EXOC6B: variants seen among roughly 807,000 people sequenced by gnomAD.
The protein encoded by EXOC6B is exocyst complex component 6B.
EXOC6B carries 54 observed loss-of-function variants against 113.5 expected under a neutral mutation model. The ratio of observed to expected loss-of-function variants is 0.48; its 90% confidence interval spans 0.38 to 0.60. The LOEUF is 0.60. EXOC6B is among the 20% of genes least tolerant of loss of function. EXOC6B has a pLI of 0.00. For synonymous variants in EXOC6B, 357 were observed against 339.0 expected, an observed-to-expected ratio of 1.05 and a Z score of -0.58; for missense variants, 797 against 977.5, an observed-to-expected ratio of 0.82 and a Z score of 2.46.
chr2:72,686,710 G>A (rs1015368507), intron 6 of EXOC6B, among the ~76,000 whole-genome samples: 5 of 152,090 alleles, frequency 3.3e-5, no homozygotes, highest in Non-Finnish European at 7.4e-5. Flanking sequence ...AGTATTATTG[G>A]TATGAGTCTT....
intron 20 of EXOC6B, among the ~76,000 whole-genome samples, chr2:72,249,483 CT>C (rs1300171546): frequency 1.3e-5 from 2 of 149,492 alleles, no homozygotes; most frequent in African/African-American, 5.0e-5. Flanking sequence ...GACCTTGTCT[CT>C]TTTTTAAAAA....
intron 6 of EXOC6B, among the ~76,000 whole-genome samples, chr2:72,602,683 TATATATTA>T (rs1372293367): frequency 6.6e-6 from 1 of 152,202 alleles, no homozygotes; most frequent in Non-Finnish European, 1.5e-5. Flanking sequence ...ATTCCTGTTG[TATATATTA>T]ATAGCATCAT....
chr2:72,189,866 T>C (rs1678715238), intron 20 of EXOC6B, among the ~76,000 whole-genome samples: 1 of 135,452 alleles, frequency 7.4e-6, no homozygotes, highest in African/African-American at 3.0e-5. Flanking sequence ...TCTTCTTTTT[T>C]TTTTTTTTTT....
chr2:72,439,661 A>T (rs2105326142), intron 18 of EXOC6B, among the ~76,000 whole-genome samples: 1 of 152,288 alleles, frequency 6.6e-6, no homozygotes, highest in Non-Finnish European at 1.5e-5. Flanking sequence ...TTTGGTTTCA[A>T]GGTACTCCTT....
intron 1 of EXOC6B, among the ~76,000 whole-genome samples, chr2:72,824,869 G>A (rs930226883): frequency 4.6e-5 from 7 of 152,288 alleles, no homozygotes; most frequent in Admixed American, 6.5e-5. Context: ...CAGTGGTTAA[G>A]TGTCTGGGTC....
At chr2:72,463,757 G>A (rs549364508) in intron 18 of EXOC6B, 1 of 152,300 alleles carries the variant, frequency 6.6e-6, no homozygotes, top group South Asian at 2.1e-4. Flanking sequence ...GTAGAAGAAT[G>A]CCTAAAAATG....
chr2:72,653,559 TAATAA>T (rs1256683720), intron 6 of EXOC6B, among the ~76,000 whole-genome samples: 1 of 143,168 alleles, frequency 7.0e-6, no homozygotes, highest in Non-Finnish European at 1.5e-5. Context: ...AGTATAATAA[TAATAA>T]AATAAAATAA....
intron 6 of EXOC6B, among the ~76,000 whole-genome samples, chr2:72,650,660 G>T (rs549515166): frequency 6.6e-6 from 1 of 151,186 alleles, no homozygotes. Flanking sequence ...AAGAAAAGAG[G>T]TAAAAGACAT....
At chr2:72,822,426 T>C (rs1284701445) in intron 1 of EXOC6B, among the ~76,000 whole-genome samples, 1 of 152,024 alleles carries the variant, frequency 6.6e-6, no homozygotes, top group Non-Finnish European at 1.5e-5. Flanking sequence ...AAAGAAGAGG[T>C]GGTATATCCT....
intron 6 of EXOC6B, among the ~76,000 whole-genome samples, chr2:72,641,140 G>C (rs941365501): frequency 1.3e-5 from 2 of 152,208 alleles, no homozygotes; most frequent in Non-Finnish European, 2.9e-5. Flanking sequence ...GCAGCTCCGA[G>C]CGTGATCAAC....
At chr2:72,664,673 A>G (rs1675265456) in intron 6 of EXOC6B, among the ~76,000 whole-genome samples, 1 of 152,220 alleles carries the variant, frequency 6.6e-6, no homozygotes, top group South Asian at 2.1e-4. Flanking sequence ...CTAAGCCAAG[A>G]GACAGCAGGA....
intron 20 of EXOC6B, among the ~76,000 whole-genome samples, chr2:72,266,733 T>A (rs1237947149): frequency 6.6e-6 from 1 of 152,170 alleles, no homozygotes; most frequent in Non-Finnish European, 1.5e-5. Flanking sequence ...GACTTGGTGA[T>A]GCGGGCTCTT....
At chr2:72,461,000 C>T (rs1697613808) in intron 18 of EXOC6B, among the ~76,000 whole-genome samples, 1 of 151,760 alleles carries the variant, frequency 6.6e-6, no homozygotes, top group Middle Eastern at 3.4e-3. Context: ...AAATGTGGCA[C>T]ATATACACCA....
intron 19 of EXOC6B, among the ~76,000 whole-genome samples, chr2:72,349,076 T>C (rs1303671748): frequency 1.3e-5 from 2 of 152,166 alleles, no homozygotes; most frequent in Non-Finnish European, 2.9e-5. Context: ...TTCTAGCCCT[T>C]GTAGAATTTA....
At chr2:72,464,906 T>A (rs941804732) in intron 18 of EXOC6B, 1 of 491,120 alleles carries the variant, frequency 2.0e-6, no homozygotes, top group African/African-American at 1.9e-5. Flanking sequence ...TTTGTACTAA[T>A]TACCTTGAAC....
Position 72,380,405 on chromosome 2 carries a change from C to T in EXOC6B, c.1981-535G>A, listed in dbSNP as rs143150151. On this transcript the variant is annotated intron_variant, in intron 18 of 21. Coordinates refer to ENST00000272427, the MANE Select transcript of EXOC6B (RefSeq NM_015189.3). ...CTGTAATACCAGCACTTTGGGAGGC[C>T]GAGGCGGGCAGATCACAAGGTCAGG... is the stretch of plus-strand genomic sequence containing the variant. Among the ~76,000 whole-genome samples, 16 of 152,156 alleles carry T rather than the reference C, an allele frequency of 1.1e-4. No homozygotes were observed. The East Asian group carries it at 2.5e-3, about 24-fold the overall frequency.
At chr2:72,193,506 AAT>A (rs1343693523) in intron 20 of EXOC6B, among the ~76,000 whole-genome samples, 3 of 152,184 alleles carry the variant, frequency 2.0e-5, no homozygotes, top group Non-Finnish European at 4.4e-5. Flanking sequence ...GAGTACCAAC[AAT>A]GTCTCAGTCA....
At chr2:72,361,175 C>A (rs752120854) in intron 19 of EXOC6B, among the ~76,000 whole-genome samples, 2 of 152,066 alleles carry the variant, frequency 1.3e-5, no homozygotes. Context: ...GTAAATTCAG[C>A]AAAAACAGGG....
intron 20 of EXOC6B, among the ~76,000 whole-genome samples, chr2:72,221,903 T>G (rs1440002390): frequency 6.6e-6 from 1 of 152,226 alleles, no homozygotes; most frequent in Non-Finnish European, 1.5e-5. Flanking sequence ...AATTCTTTTA[T>G]CTGTCTTCTC....
Sources: allele counts gnomAD v4.1 joint callset (sites outside exome capture counted in the v4.1 genomes callset), GRCh38; gene constraint gnomAD v4.1.1; transcripts MANE v1.5; gene names NCBI Gene and HGNC (gene_info 2026-07-23, HGNC 2026-07-21).